Variants in CSMD1 observed in about 807,000 individuals in gnomAD.
CSMD1 encodes the protein CUB and Sushi multiple domains 1, also known as CUB and sushi domain-containing protein 1.
Under a neutral mutation model 417.5 loss-of-function variants are expected in CSMD1, and 213 were observed. The ratio of observed to expected loss-of-function variants is 0.51; its 90% CI spans 0.46 to 0.57. The LOEUF is 0.57. CSMD1 is among the 20% of genes least tolerant of loss of function. The pLI is 0.00. For synonymous variants in CSMD1, 2,862 were observed against 1,736.8 expected, an observed-to-expected ratio of 1.65 and a Z score of -16.11; for missense variants, 6,923 against 4,529.7, an observed-to-expected ratio of 1.53 and a Z score of -15.17.
At chr8:4,444,303 C>G (rs866941727) in intron 2 of CSMD1, among the ~76,000 whole-genome samples, 1 of 131,422 alleles carries the variant, frequency 7.6e-6, no homozygotes, top group Non-Finnish European at 1.5e-5. Context: ...ACTGAGATCT[C>G]GCGACTTCAC....
intron 12 of CSMD1, among the ~76,000 whole-genome samples, chr8:3,434,165 G>T (rs1269080915): frequency 6.6e-6 from 1 of 152,088 alleles, no homozygotes; most frequent in Non-Finnish European, 1.5e-5. Context: ...TTTAGATAAG[G>T]CCATCATAGT....
At chr8:3,210,868 G>A (rs181099782) in intron 30 of CSMD1, among the ~76,000 whole-genome samples, 6 of 151,936 alleles carry the variant, frequency 3.9e-5, no homozygotes, top group Admixed American at 2.6e-4. Context: ...TGTATTATTA[G>A]TTAACAAAAG....
chr8:4,052,111 G>T (rs970978919), intron 3 of CSMD1, among the ~76,000 whole-genome samples: 1 of 151,958 alleles, frequency 6.6e-6, no homozygotes, highest in African/African-American at 2.4e-5. Flanking sequence ...TAAAAATAGA[G>T]ACAGGGTTTC....
At chr8:3,970,587 C>A (rs192935497) in intron 5 of CSMD1, among the ~76,000 whole-genome samples, 13 of 152,244 alleles carry the variant, frequency 8.5e-5, no homozygotes, top group African/African-American at 1.4e-4. Flanking sequence ...AAAGACCCAA[C>A]AGAATGAATA....
chr8:3,619,939 T>C (rs1460619591), intron 7 of CSMD1, among the ~76,000 whole-genome samples: 4 of 152,176 alleles, frequency 2.6e-5, no homozygotes, highest in East Asian at 1.9e-4. Flanking sequence ...CCATTTCTAC[T>C]AAAAATATAA....
At chr8:4,644,467 C>T (rs767120215) in intron 1 of CSMD1, among the ~76,000 whole-genome samples, 54 of 152,236 alleles carry the variant, frequency 3.5e-4, no homozygotes, top group Non-Finnish European at 3.8e-4. Context: ...AGTGCAGCGG[C>T]GCTATCTTAG....
chr8:3,085,938 T>A (rs1814499458), intron 49 of CSMD1, among the ~76,000 whole-genome samples: 1 of 152,124 alleles, frequency 6.6e-6, no homozygotes, highest in Non-Finnish European at 1.5e-5. Flanking sequence ...TGACTCCACC[T>A]CTAGAGGACA....
At chr8:4,978,782 A>G (rs1197922737) in intron 1 of CSMD1, among the ~76,000 whole-genome samples, 1 of 152,164 alleles carries the variant, frequency 6.6e-6, no homozygotes, top group African/African-American at 2.4e-5. Context: ...CACTAAAAAT[A>G]CAAAAATTAG....
intron 26 of CSMD1, among the ~76,000 whole-genome samples, chr8:3,282,503 G>T (rs1379216873): frequency 6.6e-6 from 1 of 152,016 alleles, no homozygotes; most frequent in African/African-American, 2.4e-5. Flanking sequence ...TCTACCATCT[G>T]CTCTTGCCAC....
intron 6 of CSMD1, among the ~76,000 whole-genome samples, chr8:3,743,610 G>C (rs1380825808): frequency 2.0e-5 from 3 of 152,102 alleles, no homozygotes; most frequent in African/African-American, 7.2e-5. Context: ...TGGGAACTAG[G>C]TCTCGAAAAC....
At chr8:4,455,929 CAAA>C (rs71207091) in intron 2 of CSMD1, among the ~76,000 whole-genome samples, 31 of 11,622 alleles carry the variant, frequency 2.7e-3, no homozygotes, top group African/African-American at 4.2e-3. Flanking sequence ...ACTCCAACTC[CAAA>C]AAAAAAAAAA....
chr8:4,645,921 T>C (rs950156128), intron 1 of CSMD1, among the ~76,000 whole-genome samples: 12 of 152,168 alleles, frequency 7.9e-5, no homozygotes, highest in Non-Finnish European at 1.5e-4. Context: ...TTCAAGGCCA[T>C]GTAACACGAC....
intron 3 of CSMD1, among the ~76,000 whole-genome samples, chr8:4,276,319 T>A (rs1007119624): frequency 6.6e-6 from 1 of 152,166 alleles, no homozygotes; most frequent in Non-Finnish European, 1.5e-5. Context: ...TTAATGTCCT[T>A]TGCAGGGACA....
At chr8:3,027,975 T>TG (rs779014441) in intron 51 of CSMD1, among the ~76,000 whole-genome samples, 3 of 152,196 alleles carry the variant, frequency 2.0e-5, no homozygotes, top group Non-Finnish European at 2.9e-5. Flanking sequence ...CGCTGAGTTG[T>TG]GAGCATGGAA....
rs572326105 is a variant in CSMD1 at position 4,019,128 on chromosome 8, G to T, written c.610+12777C>A. Reference sequence around the variant, plus strand: ...ATACATATTTTTGTACTAGGCCATGGTATCGTAAGACTTAAAGAAAAAGGA... The same window carrying T: ...ATACATATTTTTGTACTAGGCCATGTTATCGTAAGACTTAAAGAAAAAGGA... On this transcript the variant is annotated intron_variant, in intron 4 of 69. Coordinates refer to ENST00000635120, the MANE Select transcript of CSMD1 (RefSeq NM_033225.6). Among the ~76,000 whole-genome samples the T allele has an allele frequency of 5.3e-5, 8 of 152,240 alleles. No individual in the cohort carries two copies. The South Asian group carries it at 1.0e-3, about 20-fold the overall frequency.
chr8:2,947,157 C>T (rs1445094907), intron 68 of CSMD1, among the ~76,000 whole-genome samples: 2 of 152,172 alleles, frequency 1.3e-5, no homozygotes, highest in African/African-American at 4.8e-5. Flanking sequence ...TATTTTCTCT[C>T]ATTCTTTGTG....
chr8:3,677,325 A>G (rs1029294550), intron 7 of CSMD1, among the ~76,000 whole-genome samples: 1 of 152,180 alleles, frequency 6.6e-6, no homozygotes, highest in Admixed American at 6.5e-5. Flanking sequence ...CTTAATAACC[A>G]TCTATACCTT....
chr8:4,916,342 A>T (rs1046329253), intron 1 of CSMD1, among the ~76,000 whole-genome samples: 1 of 152,244 alleles, frequency 6.6e-6, no homozygotes, highest in Non-Finnish European at 1.5e-5. Context: ...GGCAACTTTT[A>T]AATATGGCAA....
intron 1 of CSMD1, among the ~76,000 whole-genome samples, chr8:4,831,167 A>T (rs1800128766): frequency 6.6e-6 from 1 of 152,176 alleles, no homozygotes; most frequent in Admixed American, 6.6e-5. Context: ...ATGGACAAAG[A>T]ATCTAGAATC....
Sources: gnomAD v4.1 joint callset for allele counts (sites outside exome capture counted in the v4.1 genomes callset) on GRCh38, gnomAD v4.1.1 for gene constraint, MANE v1.5 for transcripts, NCBI Gene and HGNC (gene_info 2026-07-23, HGNC 2026-07-21) for gene names.